EYS: variants seen among roughly 807,000 people sequenced by gnomAD.
EYS encodes EGF-like photoreceptor maintenance factor, also known as protein eyes shut homolog.
EYS carries 250 observed loss-of-function variants against 282.1 expected under a neutral mutation model. That is an observed-to-expected ratio of 0.89 (90% CI 0.80 to 0.98). The LOEUF is 0.98. Ranked by LOEUF, EYS falls within the 50% of genes least tolerant of loss-of-function variation. The pLI, the probability that EYS is intolerant of heterozygous loss-of-function variation, is 0.00. For missense variants in EYS, 4,016 were observed against 3,709.0 expected (o/e 1.08, Z -2.15); for synonymous variants, 1,355 against 1,282.9 (o/e 1.06, Z -1.20).
At chr6:63,955,359 T>G (rs1176550607) in intron 35 of EYS, among the ~76,000 whole-genome samples, 1 of 152,186 alleles carries the variant, frequency 6.6e-6, no homozygotes, top group Non-Finnish European at 1.5e-5. Context: ...TACCTCAAAC[T>G]GCCACCCATA....
At chr6:65,018,197 A>G (rs1772117701) in intron 13 of EYS, among the ~76,000 whole-genome samples, 1 of 152,216 alleles carries the variant, frequency 6.6e-6, no homozygotes, top group Admixed American at 6.5e-5. Context: ...AGCACCACAA[A>G]CTGGGTGGCT....
chr6:65,582,074 T>C (rs1036171485), intron 2 of EYS, among the ~76,000 whole-genome samples: 21 of 151,824 alleles, frequency 1.4e-4, no homozygotes, highest in Non-Finnish European at 5.9e-5. Flanking sequence ...TGCACACCTG[T>C]AATCCCAGCT....
At position 64,574,569 on chromosome 6, in the gene EYS, A is replaced by C. The variant is rs571471331; in HGVS notation, c.5644+15654T>G. Among the ~76,000 whole-genome samples, 13 of 152,306 alleles carry C rather than the reference A, an allele frequency of 8.5e-5. 1 individual carries two copies. Among genetic ancestry groups the C allele is most frequent in the Admixed American group, 5.9e-4 (9 of 15,278 alleles). ...GAAGATTTGCTCCAAAGCTACCTTG[A>C]GTCAATTAATGGGATTCAGCTGGAA... On this transcript the variant is annotated intron_variant, in intron 26 of 42. Transcript: ENST00000503581.
chr6:64,679,813 C>A (rs868435480), intron 22 of EYS, among the ~76,000 whole-genome samples: 1 of 152,172 alleles, frequency 6.6e-6, no homozygotes, highest in Middle Eastern at 3.4e-3. Flanking sequence ...CACACATTTA[C>A]TTTCTTTTTC....
At chr6:64,774,165 C>T (rs1271119330) in intron 22 of EYS, among the ~76,000 whole-genome samples, 1 of 151,994 alleles carries the variant, frequency 6.6e-6, no homozygotes, top group Non-Finnish European at 1.5e-5. Context: ...CTAGATTCTA[C>T]CCACGTGATC....
chr6:64,735,571 T>C (rs1482634882), intron 22 of EYS, among the ~76,000 whole-genome samples: 1 of 152,206 alleles, frequency 6.6e-6, no homozygotes, highest in African/African-American at 2.4e-5. Flanking sequence ...GTATTTCTAC[T>C]ACATAGCAAG....
chr6:64,537,318 CCCT>C (rs1279456141), intron 26 of EYS, among the ~76,000 whole-genome samples: 7 of 151,218 alleles, frequency 4.6e-5, no homozygotes, highest in Middle Eastern at 6.8e-3. Flanking sequence ...TCATCCATGT[CCCT>C]ACAAAGGACA....
intron 10 of EYS, among the ~76,000 whole-genome samples, chr6:65,341,058 C>A (rs756148576): frequency 6.6e-6 from 1 of 151,042 alleles, no homozygotes; most frequent in Non-Finnish European, 1.5e-5. Context: ...TAGGAAAACT[C>A]TCCGTCTTCA....
intron 11 of EYS, among the ~76,000 whole-genome samples, chr6:65,311,607 A>T (rs1451634197): frequency 6.6e-6 from 1 of 152,202 alleles, no homozygotes; most frequent in African/African-American, 2.4e-5. Flanking sequence ...TTAAATATGC[A>T]CAAATTCTGC....
intron 26 of EYS, among the ~76,000 whole-genome samples, chr6:64,487,744 G>A (rs1320212382): frequency 6.6e-6 from 1 of 150,702 alleles, no homozygotes; most frequent in Non-Finnish European, 1.5e-5. Flanking sequence ...ATATGCCTCT[G>A]TACTAGATTG....
chr6:65,490,424 T>C, intron 5 of EYS, 170 bp downstream of exon 5: 1 of 528,938 alleles, frequency 1.9e-6, no homozygotes, highest in Admixed American at 3.3e-5. Flanking sequence ...TATGATTTAA[T>C]TGTATTAACC....
chr6:64,694,798 A>G (rs1275612655), intron 22 of EYS, among the ~76,000 whole-genome samples: 1 of 152,112 alleles, frequency 6.6e-6, no homozygotes, highest in Non-Finnish European at 1.5e-5. Flanking sequence ...TTAGCCTGAG[A>G]ACTGCAGTTT....
At chr6:65,075,125 A>G (rs1326750467) in intron 12 of EYS, among the ~76,000 whole-genome samples, 2 of 152,102 alleles carry the variant, frequency 1.3e-5, no homozygotes, top group Non-Finnish European at 2.9e-5. Context: ...AGGATTTTTA[A>G]GTTGAGAACA....
chr6:65,327,748 T>A (rs1388139878), intron 11 of EYS, among the ~76,000 whole-genome samples: 2 of 151,500 alleles, frequency 1.3e-5, no homozygotes, highest in Non-Finnish European at 3.0e-5. Context: ...CAAAAAATAC[T>A]AAGGAATGAC....
chr6:63,936,779 C>T (rs1028619994), intron 35 of EYS, among the ~76,000 whole-genome samples: 1 of 152,194 alleles, frequency 6.6e-6, no homozygotes, highest in African/African-American at 2.4e-5. Context: ...CCTAAATTAA[C>T]CTACACTAAA....
rs758915162 is a variant in EYS at position 64,792,856 on chromosome 6, A to ATGTGTGTGTGTGTGTGTGTGTGTGTG, written c.3443+20521_3443+20522insCACACACACACACACACACACACACA. On this transcript the variant is annotated intron_variant, in intron 22 of 42. Coordinates refer to ENST00000503581, the MANE Select transcript of EYS (RefSeq NM_001142800.2). ...TGTTTTAATTTCATACGATCTTGAC[A>ATGTGTGTGTGTGTGTGTGTGTGTGTG]CGTGTGTGTGTGTGTGTGTGTTAGA... Among the ~76,000 whole-genome samples, 19 of 70,976 alleles carry ATGTGTGTGTGTGTGTGTGTGTGTGTG rather than the reference A, an allele frequency of 2.7e-4. No individual in the cohort carries two copies. The South Asian group carries it at 6.0e-3, about 23-fold the overall frequency. The allele number at this position is 70,976 out of a possible 152,430, so 46.6% of individuals were successfully genotyped here.
At chr6:65,016,529 A>C (rs1352708941) in intron 13 of EYS, among the ~76,000 whole-genome samples, 1 of 152,198 alleles carries the variant, frequency 6.6e-6, no homozygotes, top group Non-Finnish European at 1.5e-5. Context: ...AAACATAGTT[A>C]AAAAGTGAGT....
chr6:63,975,967 A>G (rs1766817236), intron 35 of EYS, among the ~76,000 whole-genome samples: 1 of 152,018 alleles, frequency 6.6e-6, no homozygotes, highest in Non-Finnish European at 1.5e-5. Context: ...AGTATGGTCT[A>G]TTGCTCCTGA....
intron 12 of EYS, among the ~76,000 whole-genome samples, chr6:65,270,602 G>T (rs948826111): frequency 6.6e-6 from 1 of 151,750 alleles, no homozygotes; most frequent in Admixed American, 6.6e-5. Context: ...TTAATAATTT[G>T]GTCTTCAAGT....
Sources: allele counts gnomAD v4.1 joint callset (sites outside exome capture counted in the v4.1 genomes callset), GRCh38; gene constraint gnomAD v4.1.1; transcripts MANE v1.5; gene names NCBI Gene and HGNC (gene_info 2026-07-23, HGNC 2026-07-21).